The following NAGS variants were observed in gnomAD, a reference collection of about 807,000 sequenced individuals.
The protein encoded by NAGS is N-acetylglutamate synthase.
In NAGS, 34 loss-of-function variants were observed where a neutral mutation model predicts 46.9. The observed-to-expected ratio is 0.72, with a 90% CI of 0.55 to 0.97. The LOEUF (loss-of-function observed/expected upper bound fraction) is 0.97. Among genes scored for constraint, NAGS ranks in the 50% least tolerant of loss-of-function variants. The probability of loss-of-function intolerance (pLI) is 0.00; values close to 1 mark genes in which losing one functional copy is unlikely to be tolerated. For synonymous variants in NAGS, 334 were observed against 346.3 expected (o/e 0.96, Z 0.39); for missense variants, 665 against 747.0 (o/e 0.89, Z 1.28).
chr17:44,008,420 GT>G, intron 6 of NAGS, 27 bp from the exon 7 acceptor site: 3 of 1,614,104 alleles, frequency 1.9e-6, no homozygotes, highest in Non-Finnish European at 2.5e-6. Context: ...CCTAAAAACT[GT>G]TTCCTACATC....
In NAGS at chr17:44,006,852, C is replaced by A. The variant is rs1003388923; in HGVS notation, c.1096+143C>A. On this transcript the variant is annotated intron_variant, in intron 4 of 6. Coordinates refer to ENST00000293404, the MANE Select transcript of NAGS (RefSeq NM_153006.3). The surrounding 1 kb of genome is among the most constrained non-coding windows in gnomAD (Gnocchi z 4.8). Reference sequence around the variant, plus strand: ...GGGGGTGTCACAGCAATGGCTCCTGCTGCTGCCGAAACCCGGGGGAGGTGA... The same window carrying A: ...GGGGGTGTCACAGCAATGGCTCCTGATGCTGCCGAAACCCGGGGGAGGTGA... The A allele has an allele frequency of 1.2e-6, 1 of 858,462 alleles. No homozygotes were observed. The highest frequency in any genetic ancestry group is 1.7e-6 in the Non-Finnish European group (1 of 572,862). The allele number at this position is 858,462 out of a possible 1,614,324, so 53.2% of individuals were successfully genotyped here.
chr17:44,005,259 C>T lies in NAGS; in HGVS notation c.426+170C>T, dbSNP rs531980321. On this transcript the variant is annotated intron_variant, in intron 1 of 6. Coordinates refer to ENST00000293404, the MANE Select transcript of NAGS (RefSeq NM_153006.3). This position sits in a 1 kb window ranked among gnomAD's most constrained non-coding sequence, Gnocchi z 7.2. ...GAATGGGAGAGGCCGTAAGCTCCTC[C>T]GGAAGCCTCCCGCCCAGCCCGAGTG... Among the ~76,000 whole-genome samples, 58 of 152,306 alleles carry T rather than the reference C, an allele frequency of 3.8e-4. 1 individual carries two copies. In the South Asian group the frequency reaches 0.012, roughly 30 times the overall value.
At position 44,007,950 on chromosome 17, in the gene NAGS, C is replaced by T. The variant is rs1444940919; in HGVS notation, c.1451+177C>T. On this transcript the variant is annotated intron_variant, in intron 6 of 6. Coordinates refer to ENST00000293404, the MANE Select transcript of NAGS (RefSeq NM_153006.3). This position sits in a 1 kb window ranked among gnomAD's most constrained non-coding sequence, Gnocchi z 5.1. ...ATTTCCCGAGTTAAAGCATGCTTAA[C>T]ACTCCTTTTCTGGCAGCAAGTGACA... 6.6e-6 allele frequency among the ~76,000 whole-genome samples: 1 copy of T among 152,120 alleles called. No individual in the cohort carries two copies. The highest frequency in any genetic ancestry group is 1.5e-5 in the Non-Finnish European group (1 of 68,008).
rs2049092570 is a variant in NAGS, at chr17:44,006,456, G to C, written c.916-73G>C. On this transcript the variant is annotated intron_variant, in intron 3 of 6. Coordinates refer to ENST00000293404, the MANE Select transcript of NAGS (RefSeq NM_153006.3). The surrounding 1 kb of genome is among the most constrained non-coding windows in gnomAD (Gnocchi z 4.8). ...GTAAGGATAAAGGGGTCAGAGAAAA[G>C]AGAGGTCCGTGGGGGTAGGGGGGCA... is the stretch of plus-strand genomic sequence containing the variant. 6.5e-7 allele frequency: 1 copy of C among 1,539,032 alleles called. No individual in the cohort carries two copies. The highest frequency in any genetic ancestry group is 1.4e-5 in the African/African-American group (1 of 72,842).
chr17:44,006,622 G>T lies in NAGS; in HGVS notation c.1009G>T (p.Val337Leu). ...TKERQQMRLI[V>L]DVLSRLPHHS... is the part of the protein sequence containing the mutation. ...AGAACGGCAGCAGATGCGGCTCATCGTGGACGTGCTCAGCCGCCTGCCCCA... is the reference window on the plus strand; with the variant it reads ...AGAACGGCAGCAGATGCGGCTCATCTTGGACGTGCTCAGCCGCCTGCCCCA... The change falls in exon 4 of 7, where the codon GTG (valine) becomes TTG (leucine). Residue 337 changes from valine to leucine, a missense_variant. Physicochemically the swap from Val to Leu is conservative, Grantham distance 32. Transcript: ENST00000293404. The surrounding 1 kb of genome is among the most constrained non-coding windows in gnomAD (Gnocchi z 4.8). 6.2e-7 allele frequency: 1 copy of T among 1,607,990 alleles called. No homozygotes were observed.
chr17:44,005,064 C>G lies in NAGS; in HGVS notation c.401C>G (p.Ala134Gly). The G allele has an allele frequency of 1.3e-6, 2 of 1,573,786 alleles. No homozygotes were observed. The highest frequency in any genetic ancestry group is 1.7e-6 in the Non-Finnish European group (2 of 1,163,964). The stretch of plus-strand genomic sequence containing the variant: ...CAGTTCCAGACCTGCCATCACTCCG[C>G]GGACAAGCCCTTCGCCGTCATCGAG... ...LTQFQTCHHSADKPFAVIEVD... is the reference protein window; with the variant it reads ...LTQFQTCHHSGDKPFAVIEVD... Residue 134 changes from alanine (A) to glycine (G), a missense_variant, in exon 1 of 7, where the codon GCG becomes GGG. Transcript: ENST00000293404. The surrounding 1 kb of genome is among the most constrained non-coding windows in gnomAD (Gnocchi z 7.2).
chr17:44,006,153 G>A lies in NAGS; in HGVS notation c.831G>A (p.Val277=), dbSNP rs779484535. 1.9e-6 allele frequency: 3 copies of A among 1,613,258 alleles called. No homozygotes were observed. The highest frequency in any genetic ancestry group is 2.5e-6 in the Non-Finnish European group (3 of 1,179,974). The part of the protein sequence containing the change: ...RRSVLLDSLE[V]TASLAKALRP... ...CCGTGCTTCTCGACTCCCTGGAGGT[G>A]ACCGCGTCGCTGGCCAAGGCGCTGC... The change falls in exon 3 of 7, where the codon GTG becomes GTA. Residue 277 remains valine (V), a synonymous_variant. Transcript: ENST00000293404. This position sits in a 1 kb window ranked among gnomAD's most constrained non-coding sequence, Gnocchi z 4.8.
chr17:44,007,210 G>T lies in NAGS; in HGVS notation c.1097-113G>T. 1.1e-6 allele frequency: 1 copy of T among 906,146 alleles called. No homozygotes were observed. Among genetic ancestry groups the T allele is most frequent in the Non-Finnish European group, 1.7e-6 (1 of 589,844 alleles). The allele number at this position is 906,146 out of a possible 1,614,324, so 56.1% of individuals were successfully genotyped here. ...CAGACCACTGAAATCATTTCACTGT[G>T]GAGGTCTCCCAAAGACGGAAATTGT... On this transcript the variant is annotated intron_variant, in intron 4 of 6. Coordinates refer to ENST00000293404, the MANE Select transcript of NAGS (RefSeq NM_153006.3). This position sits in a 1 kb window ranked among gnomAD's most constrained non-coding sequence, Gnocchi z 5.1.
chr17:44,006,804 T>A lies in NAGS; in HGVS notation c.1096+95T>A. The A allele has an allele frequency of 7.5e-7, 1 of 1,326,658 alleles. No homozygotes were observed. The highest frequency in any genetic ancestry group is 1.0e-6 in the Non-Finnish European group (1 of 980,452). 82.2% of individuals were successfully genotyped at this position (1,326,658 alleles called of 1,614,324 possible). On this transcript the variant is annotated intron_variant, in intron 4 of 6. Transcript: ENST00000293404. This position sits in a 1 kb window ranked among gnomAD's most constrained non-coding sequence, Gnocchi z 4.8. The stretch of plus-strand genomic sequence containing the variant: ...TCAGGAGGAGCGGCTTCTCCTCCTG[T>A]CCAGGAGCCGTAGGGGGAGGCGGGG...
In NAGS at chr17:44,006,572, G is replaced by C. The variant is rs956027001; in HGVS notation, c.959G>C (p.Cys320Ser). 6.3e-7 allele frequency: 1 copy of C among 1,579,038 alleles called. No individual in the cohort carries two copies. The highest frequency in any genetic ancestry group is 8.6e-7 in the Non-Finnish European group (1 of 1,161,654). The change falls in exon 4 of 7, where the codon TGC (cysteine) becomes TCC (serine). Residue 320 changes from cysteine (C) to serine (S), a missense_variant. Coordinates refer to ENST00000293404, the MANE Select transcript of NAGS (RefSeq NM_153006.3). The surrounding 1 kb of genome is among the most constrained non-coding windows in gnomAD (Gnocchi z 4.8). ...VNLPADLDLV[C>S]NAEWVSTKER... ...CTGCCCGCCGACCTGGACCTGGTGT[G>C]CAACGCCGAGTGGGTGAGCACAAAA... is the stretch of plus-strand genomic sequence containing the variant.
Position 44,006,457 on chromosome 17 carries a change from A to G in NAGS, c.916-72A>G. On this transcript the variant is annotated intron_variant, in intron 3 of 6. Coordinates refer to ENST00000293404, the MANE Select transcript of NAGS (RefSeq NM_153006.3). The surrounding 1 kb of genome is among the most constrained non-coding windows in gnomAD (Gnocchi z 4.8). ...TAAGGATAAAGGGGTCAGAGAAAAG[A>G]GAGGTCCGTGGGGGTAGGGGGGCAG... 1 of 1,538,988 alleles carries G rather than the reference A, an allele frequency of 6.5e-7. No individual in the cohort carries two copies. Among genetic ancestry groups the G allele is most frequent in the Non-Finnish European group, 8.8e-7 (1 of 1,140,326 alleles).
intron 6 of NAGS, 24 bp from the exon 7 acceptor site, chr17:44,008,424 C>G: frequency 6.2e-7 from 1 of 1,614,134 alleles, no homozygotes; most frequent in Non-Finnish European, 8.5e-7. Context: ...AAAACTGTTT[C>G]CTACATCACC....
Position 44,006,386 on chromosome 17 carries a change from G to T in NAGS, c.916-143G>T. 6.9e-7 allele frequency: 1 copy of T among 1,452,892 alleles called. No homozygotes were observed. The highest frequency in any genetic ancestry group is 9.4e-7 in the Non-Finnish European group (1 of 1,062,112). 90.0% of individuals were successfully genotyped at this position (1,452,892 alleles called of 1,614,324 possible). A position where few individuals can be genotyped will look rare whatever the true frequency, so the allele number is the denominator to read the frequency against. The stretch of plus-strand genomic sequence containing the variant: ...AGTATAGGGGAGGAGTTCAGCCCTG[G>T]GTGCCCAGATCTGCGCCCTCCCTGG... On this transcript the variant is annotated intron_variant, in intron 3 of 6. Coordinates refer to ENST00000293404, the MANE Select transcript of NAGS (RefSeq NM_153006.3). This position sits in a 1 kb window ranked among gnomAD's most constrained non-coding sequence, Gnocchi z 4.8.
rs756695137 is a variant in NAGS, at chr17:44,008,553, G to A, written c.1557G>A (p.Lys519=). The change falls in exon 7 of 7, where the codon AAG becomes AAA. Residue 519 remains lysine (K), a synonymous_variant. Transcript: ENST00000293404. ...CCTATGAGTTGGTCAACCACGCCAA[G>A]GGACTGCCAGACTCCTTTCACAAGC... ...RDSYELVNHA[K]GLPDSFHKPA... 1.2e-5 allele frequency: 19 copies of A among 1,614,138 alleles called. No individual in the cohort carries two copies. The South Asian group carries it at 1.8e-4, about 15-fold the overall frequency.
At position 44,006,001 on chromosome 17, in the gene NAGS, C is replaced by T. The variant is rs1469845469; in HGVS notation, c.702-23C>T. ...CCGGCAGGCCTGGAGGGGGCCCTCTCGAGCACCACGTCTGGCCCACAGCTA... is the reference window on the plus strand; with the variant it reads ...CCGGCAGGCCTGGAGGGGGCCCTCTTGAGCACCACGTCTGGCCCACAGCTA... On this transcript the variant is annotated intron_variant, in intron 2 of 6. Coordinates refer to ENST00000293404, the MANE Select transcript of NAGS (RefSeq NM_153006.3). This position sits in a 1 kb window ranked among gnomAD's most constrained non-coding sequence, Gnocchi z 4.8. The T allele has an allele frequency of 6.3e-7, 1 of 1,580,436 alleles. No individual in the cohort carries two copies.
At position 44,004,697 on chromosome 17, in the gene NAGS, G is replaced by A. The variant is rs759453873; in HGVS notation, c.34G>A (p.Ala12Thr). ...ATALMAVVLRAAAVAPRLRGR... is the reference protein window; with the variant it reads ...ATALMAVVLRTAAVAPRLRGR... ...GGCGCTGATGGCTGTGGTTCTGCGG[G>A]CAGCTGCTGTAGCCCCGAGGCTGAG... Residue 12 changes from alanine to threonine, a missense_variant, in exon 1 of 7, where the codon GCA (alanine) becomes ACA (threonine). Physicochemically the swap from Ala to Thr is moderately conservative, Grantham distance 58 (BLOSUM62 0). Coordinates refer to ENST00000293404, the MANE Select transcript of NAGS (RefSeq NM_153006.3). 12 of 1,529,292 alleles carry A rather than the reference G, an allele frequency of 7.8e-6. No homozygotes were observed. Among genetic ancestry groups the A allele is most frequent in the African/African-American group, 1.4e-5 (1 of 70,626 alleles). The allele number at this position is 1,529,292 out of a possible 1,614,324, so 94.7% of individuals were successfully genotyped here. A position where few individuals can be genotyped will look rare whatever the true frequency, so the allele number is the denominator to read the frequency against.
chr17:44,007,496 T>C lies in NAGS; in HGVS notation c.1268+2T>C, dbSNP rs202041339. The C allele has an allele frequency of 1.1e-5, 17 of 1,613,492 alleles. No homozygotes were observed. Among genetic ancestry groups the C allele is most frequent in the Middle Eastern group, 1.6e-4 (1 of 6,062 alleles). ...GCACTCCATCTACGTCTCCGAGGGG[T>C]AAGCCTGCGGACCCCAGAGGGCGGG... On this transcript the variant is annotated splice_donor_variant, in intron 5 of 6. Coordinates refer to ENST00000293404, the MANE Select transcript of NAGS (RefSeq NM_153006.3). LOFTEE classifies it high-confidence loss of function. The surrounding 1 kb of genome is among the most constrained non-coding windows in gnomAD (Gnocchi z 5.1).
chr17:44,007,451 G>C lies in NAGS; in HGVS notation c.1225G>C (p.Ala409Pro). 1 of 1,613,838 alleles carries C rather than the reference G, an allele frequency of 6.2e-7. No individual in the cohort carries two copies. The highest frequency in any genetic ancestry group is 8.5e-7 in the Non-Finnish European group (1 of 1,179,998). Residue 409 changes from alanine (A) to proline (P), a missense_variant, in exon 5 of 7, where the codon GCC (alanine) becomes CCC (proline). Ala to Pro is a conservative substitution (Grantham distance 27). Coordinates refer to ENST00000293404, the MANE Select transcript of NAGS (RefSeq NM_153006.3). The surrounding 1 kb of genome is among the most constrained non-coding windows in gnomAD (Gnocchi z 5.1). ...FGKKLRDDYL[A>P]SLRPRLHSIY... ...CAAGAAGCTCAGGGACGACTACCTG[G>C]CCTCGCTGCGCCCGCGGCTGCACTC... is the stretch of plus-strand genomic sequence containing the variant.
At position 44,007,045 on chromosome 17, in the gene NAGS, T is replaced by C; in HGVS notation, c.1097-278T>C. The C allele has an allele frequency of 1.8e-6, 1 of 569,650 alleles. No homozygotes were observed. The allele number at this position is 569,650 out of a possible 1,614,324, so 35.3% of individuals were successfully genotyped here. A position where few individuals can be genotyped will look rare whatever the true frequency, so the allele number is the denominator to read the frequency against. On this transcript the variant is annotated intron_variant, in intron 4 of 6. Coordinates refer to ENST00000293404, the MANE Select transcript of NAGS (RefSeq NM_153006.3). The surrounding 1 kb of genome is among the most constrained non-coding windows in gnomAD (Gnocchi z 5.1). Reference sequence around the variant, plus strand: ...GCGGGGCTTAGGTGGGTGGGCCGGGTCAGCGGCGGGAGACAGACTTCAAGG... The same window carrying C: ...GCGGGGCTTAGGTGGGTGGGCCGGGCCAGCGGCGGGAGACAGACTTCAAGG...
Sources: gnomAD v4.1 joint callset for allele counts (sites outside exome capture counted in the v4.1 genomes callset) on GRCh38, gnomAD v4.1.1 for gene constraint, Gnocchi (gnomAD v3.1) non-coding constraint, MANE v1.5 for transcripts, NCBI Gene and HGNC (gene_info 2026-07-23, HGNC 2026-07-21) for gene names.